The following TM2D3 variants were observed in gnomAD, a reference collection of about 807,000 sequenced individuals.
The protein encoded by TM2D3 is TM2 domain containing 3.
TM2D3 carries 33 observed loss-of-function variants against 27.3 expected under a neutral mutation model. The observed-to-expected ratio is 1.21, with a 90% CI of 0.92 to 1.61. The LOEUF is 1.61. TM2D3 is among the 40% of genes most tolerant of loss of function. TM2D3 has a pLI of 0.00. For missense variants in TM2D3, 364 were observed against 320.8 expected, an observed-to-expected ratio of 1.13 and a Z score of -1.03; for synonymous variants, 138 against 122.2, an observed-to-expected ratio of 1.13 and a Z score of -0.85.
chr15:101,645,549 G>T (rs1896783000), intron 4 of TM2D3: 1 of 171,856 alleles, frequency 5.8e-6, no homozygotes, highest in Non-Finnish European at 1.2e-5. Context: ...CAACAGGGAA[G>T]AGTTGAGACA....
chr15:101,645,820 A>C (rs1896790777), intron 4 of TM2D3: 1 of 152,068 alleles, frequency 6.6e-6, no homozygotes, highest in African/African-American at 2.4e-5. Context: ...TGCAAAAAAA[A>C]AAAAAATCAA....
intron 5 of TM2D3, among the ~76,000 whole-genome samples, chr15:101,643,917 C>T (rs1896737914): frequency 6.6e-6 from 1 of 152,020 alleles, no homozygotes. Context: ...TGGTGCAATG[C>T]CAGCTCACTG....
At chr15:101,648,509 T>C (rs1896878247) in intron 3 of TM2D3, among the ~76,000 whole-genome samples, 1 of 152,196 alleles carries the variant, frequency 6.6e-6, no homozygotes, top group South Asian at 2.1e-4. Flanking sequence ...ATGGAACACA[T>C]GTCAAGACAC....
Position 101,642,809 on chromosome 15 carries a change from A to G in TM2D3, c.579-165T>C, listed in dbSNP as rs539812204. Among the ~76,000 whole-genome samples, 3 of 152,342 alleles carry G rather than the reference A, an allele frequency of 2.0e-5. No homozygotes were observed. The South Asian group carries it at 6.2e-4, about 32-fold the overall frequency. On this transcript the variant is annotated intron_variant, in intron 5 of 5. Coordinates refer to ENST00000333202, the MANE Select transcript of TM2D3 (RefSeq NM_078474.3). Reference sequence around the variant, plus strand: ...TTTCACAAACTGACACCACCAAATAATTACGGGCAGGAAGACAGTTTAAAT... The same window carrying G: ...TTTCACAAACTGACACCACCAAATAGTTACGGGCAGGAAGACAGTTTAAAT...
rs1398649284 is a variant in TM2D3 at position 101,650,180 on chromosome 15, A to C, written c.170-19T>G. ...GTACTTTCTGTGAGAGGCAAGAGAGAAGCTTATTCTCCTATAATACTGATT... is the reference window on the plus strand; with the variant it reads ...GTACTTTCTGTGAGAGGCAAGAGAGCAGCTTATTCTCCTATAATACTGATT... On this transcript the variant is annotated intron_variant, in intron 2 of 5. Coordinates refer to ENST00000333202, the MANE Select transcript of TM2D3 (RefSeq NM_078474.3). 8.7e-6 allele frequency: 14 copies of C among 1,609,368 alleles called. No individual in the cohort carries two copies. The highest frequency in any genetic ancestry group is 1.2e-5 in the Non-Finnish European group (14 of 1,177,768).
chr15:101,643,329 G>A (rs560930018), intron 5 of TM2D3, among the ~76,000 whole-genome samples: 1 of 152,210 alleles, frequency 6.6e-6, no homozygotes, highest in African/African-American at 2.4e-5. Flanking sequence ...GTTGCCGGGC[G>A]CGGTGGCTCA....
intron 5 of TM2D3, 58 bp downstream of exon 5, chr15:101,645,029 T>G: frequency 6.9e-7 from 1 of 1,458,664 alleles, no homozygotes; most frequent in South Asian, 1.2e-5. Context: ...GTCTGAAGAT[T>G]CCACCAATCC....
chr15:101,651,822 G>A (rs1304190083), intron 1 of TM2D3, 49 bp from the exon 2 acceptor site: 22 of 1,601,184 alleles, frequency 1.4e-5, no homozygotes, highest in Admixed American at 5.0e-5. Context: ...CCCGGGACAA[G>A]AAAACCTTAT....
chr15:101,641,170 A>G (rs1369016997), downstream of TM2D3, among the ~76,000 whole-genome samples: 11 of 152,226 alleles, frequency 7.2e-5, no homozygotes, highest in Non-Finnish European at 2.9e-5. Flanking sequence ...CAACAGTTTA[A>G]CGGATACAAA....
downstream of TM2D3, among the ~76,000 whole-genome samples, chr15:101,638,602 G>A (rs1252412847): frequency 6.6e-6 from 1 of 152,134 alleles, no homozygotes; most frequent in Non-Finnish European, 1.5e-5. Context: ...CTGGCCTCCA[G>A]TGAGACTTTC....
chr15:101,651,121 CTTTTTG>C (rs1896955350), intron 2 of TM2D3: 1 of 152,862 alleles, frequency 6.5e-6, no homozygotes, highest in Admixed American at 6.5e-5. Context: ...ACAAAATACT[CTTTTTG>C]ATCCCGTGAC....
At position 101,633,804 on chromosome 15, in the gene TM2D3, G is replaced by T. The variant is rs1896498470; in HGVS notation, c.501-76C>A. On this transcript the variant is annotated intron_variant, in intron 4 of 4. Coordinates refer to the TM2D3 transcript ENST00000428002. ...GACATAATATCCAACATGTCCAGGA[G>T]ACAATAAAAAATCCATATACCAAGA... 6 of 1,294,010 alleles carry T rather than the reference G, an allele frequency of 4.6e-6. No homozygotes were observed. In the Middle Eastern group the frequency reaches 6.0e-4, roughly 128 times the overall value. The allele number at this position is 1,294,010 out of a possible 1,614,324, so 80.2% of individuals were successfully genotyped here. A position where few individuals can be genotyped will look rare whatever the true frequency, so the allele number is the denominator to read the frequency against.
At chr15:101,649,352 G>A (rs1896907339) in intron 3 of TM2D3, among the ~76,000 whole-genome samples, 1 of 151,720 alleles carries the variant, frequency 6.6e-6, no homozygotes, top group African/African-American at 2.4e-5. Flanking sequence ...GGAGTCAAAT[G>A]TATCAATTCT....
rs1896929960 is a variant in TM2D3 at position 101,650,101 on chromosome 15, A to G, written c.230T>C (p.Leu77Pro). 1.2e-6 allele frequency: 2 copies of G among 1,614,186 alleles called. No individual in the cohort carries two copies. Among genetic ancestry groups the G allele is most frequent in the Non-Finnish European group, 1.7e-6 (2 of 1,180,018 alleles). The change falls in exon 3 of 6, where the codon CTT becomes CCT. Residue 77 changes from leucine to proline, a missense_variant. Leu to Pro is a moderately conservative substitution (Grantham distance 98). Transcript: ENST00000333202. ...KCPSNGLCSR[L>P]PADCIDCTTN... ...TGTGCAGTCTATACAGTCTGCAGGAAGCCTGCTACACAAACCATTGCTCGG... is the reference window on the plus strand; with the variant it reads ...TGTGCAGTCTATACAGTCTGCAGGAGGCCTGCTACACAAACCATTGCTCGG...
intron 3 of TM2D3, among the ~76,000 whole-genome samples, chr15:101,649,129 T>C (rs1318657704): frequency 1.3e-5 from 2 of 151,794 alleles, no homozygotes; most frequent in South Asian, 4.1e-4. Flanking sequence ...TATATCTATT[T>C]GTATTTCCTT....
rs1596262086 is a variant in TM2D3, at chr15:101,641,856, C to T, written c.*623G>A. On this transcript the variant is annotated 3_prime_UTR_variant, in exon 6 of 6. Transcript: ENST00000333202. ...AAAACAGGCCCACAGTATTTCTTAA[C>T]TTGCAATTTTATTAATTTTTCAGTA... The T allele has an allele frequency of 3.3e-6, 3 of 909,872 alleles. No homozygotes were observed. The highest frequency in any genetic ancestry group is 3.9e-6 in the Non-Finnish European group (3 of 761,046). 56.4% of individuals were successfully genotyped at this position (909,872 alleles called of 1,614,324 possible). A position where few individuals can be genotyped will look rare whatever the true frequency, so the allele number is the denominator to read the frequency against.
Position 101,646,952 on chromosome 15 carries a change from G to C in TM2D3, c.328-53C>G. ...CAATCACAATGGTGTAGTCTGTTAA[G>C]ATGTCAGTAAGACTACACAGTCACA... On this transcript the variant is annotated intron_variant, in intron 3 of 5. Transcript: ENST00000333202. 1.3e-6 allele frequency: 2 copies of C among 1,598,448 alleles called. 1 individual carries two copies. Among genetic ancestry groups the C allele is most frequent in the Non-Finnish European group, 1.7e-6 (2 of 1,166,542 alleles).
intron 5 of TM2D3, among the ~76,000 whole-genome samples, chr15:101,643,636 A>AC (rs1229056392): frequency 6.0e-5 from 9 of 149,906 alleles, no homozygotes; most frequent in Non-Finnish European, 1.2e-4. Context: ...AAAAAAAAAA[A>AC]AAACCATGTT....
At chr15:101,639,523 A>G (rs1896622138), downstream of TM2D3, among the ~76,000 whole-genome samples, 1 of 152,166 alleles carries the variant, frequency 6.6e-6, no homozygotes, top group Non-Finnish European at 1.5e-5. Context: ...TCATTTGCAT[A>G]TTCCGTAGCT....
Sources: gnomAD v4.1 joint callset for allele counts (sites outside exome capture counted in the v4.1 genomes callset) on GRCh38, gnomAD v4.1.1 for gene constraint, MANE v1.5 for transcripts, NCBI Gene and HGNC (gene_info 2026-07-23, HGNC 2026-07-21) for gene names.